Variants in MYH11 observed in about 807,000 individuals in gnomAD.
MYH11 encodes the protein myosin heavy chain 11.
A neutral mutation model predicts 246.6 loss-of-function variants in MYH11; 80 were observed. The ratio of observed to expected loss-of-function variants is 0.32; its 90% CI spans 0.27 to 0.39. The LOEUF (loss-of-function observed/expected upper bound fraction) is 0.39, where lower values mean the gene tolerates loss of function less well. Among genes scored for constraint, MYH11 ranks in the 10% least tolerant of loss-of-function variants. The probability of loss-of-function intolerance (pLI) is 1.00; values close to 1 mark genes in which losing one functional copy is unlikely to be tolerated. For missense variants in MYH11, 2,158 were observed against 2,546.8 expected (o/e 0.85, Z 3.29); for synonymous variants, 1,071 against 1,015.5 (o/e 1.05, Z -1.04).
At chr16:15,770,462 C>T (rs958062868) in intron 9 of MYH11, among the ~76,000 whole-genome samples, 1 of 152,142 alleles carries the variant, frequency 6.6e-6, no homozygotes, top group African/African-American at 2.4e-5. Context: ...CACAGTGTCC[C>T]GACCAAGAAT....
rs150741393 is a variant in MYH11 at position 15,756,124 on chromosome 16, C to T, written c.1749+217G>A. Among the ~76,000 whole-genome samples, 21 of 152,318 alleles carry T rather than the reference C, an allele frequency of 1.4e-4. 1 individual carries two copies. Among genetic ancestry groups the T allele is most frequent in the South Asian group, 6.2e-4 (3 of 4,826 alleles). On this transcript the variant is annotated intron_variant, in intron 14 of 40. Coordinates refer to ENST00000300036, the MANE Select transcript of MYH11 (RefSeq NM_002474.3). ...AACAAAAACAGAAAGAAATAACTGT[C>T]TGGACGTCACGGTTGGAAAACATGA... is the stretch of plus-strand genomic sequence containing the variant.
At chr16:15,707,428 G>C (rs369032907) in intron 40 of MYH11, among the ~76,000 whole-genome samples, 3 of 152,250 alleles carry the variant, frequency 2.0e-5, no homozygotes, top group East Asian at 3.9e-4. Context: ...GTTTCCCACT[G>C]ACCAGTGGGT....
intron 1 of MYH11, among the ~76,000 whole-genome samples, chr16:15,848,391 GCCTGGC>G (rs1293387322): frequency 5.3e-5 from 8 of 152,014 alleles, no homozygotes; most frequent in Middle Eastern, 3.4e-3. Context: ...GCGCTACCAT[GCCTGGC>G]TAATTTTTGT....
Position 15,838,220 on chromosome 16 carries a change from C to T in MYH11, c.33G>A (p.Glu11=), listed in dbSNP as rs148562366. 6.2e-7 allele frequency: 1 copy of T among 1,614,122 alleles called. No individual in the cohort carries two copies. MAQKGQLSDD[E]KFLFVDKNFI... is the part of the protein sequence containing the mutation. ...AGTTTTTGTCCACAAAGAGGAACTT[C>T]TCATCGTCACTGAGTTGGCCCTTCT... is the stretch of plus-strand genomic sequence containing the variant. The change falls in exon 2 of 41, where the codon GAG becomes GAA. Residue 11 remains glutamate, a synonymous_variant. Coordinates refer to ENST00000300036, the MANE Select transcript of MYH11 (RefSeq NM_002474.3).
chr16:15,771,328 G>C (rs1455658538), intron 9 of MYH11, among the ~76,000 whole-genome samples: 2 of 151,826 alleles, frequency 1.3e-5, no homozygotes, highest in African/African-American at 4.8e-5. Context: ...TTCTGAGTTA[G>C]TCACTTTCCC....
At chr16:15,759,756 T>G in intron 11 of MYH11, 28 bp from the exon 12 acceptor site, 3 of 1,613,126 alleles carry the variant, frequency 1.9e-6, no homozygotes, top group Non-Finnish European at 2.5e-6. Flanking sequence ...GGGAACCCGG[T>G]TATTCTCAAT....
intron 9 of MYH11, among the ~76,000 whole-genome samples, chr16:15,769,276 A>G (rs2151288991): frequency 6.6e-6 from 1 of 152,324 alleles, no homozygotes; most frequent in South Asian, 2.1e-4. Context: ...AGGTCGTGCC[A>G]CTGCACTCCA....
intron 37 of MYH11, 96 bp downstream of exon 37, chr16:15,718,219 C>T: frequency 3.1e-6 from 5 of 1,587,872 alleles, no homozygotes; most frequent in South Asian, 1.1e-5. Context: ...CCAGGGCCTG[C>T]ACACAGGAAG....
At position 15,717,318 on chromosome 16, in the gene MYH11, CTG is replaced by C; in HGVS notation, c.5324_5325del (p.Thr1775ArgfsTer9). The C allele has an allele frequency of 6.2e-7, 1 of 1,610,778 alleles. No individual in the cohort carries two copies. Among genetic ancestry groups the C allele is most frequent in the Non-Finnish European group, 8.5e-7 (1 of 1,180,024 alleles). On this transcript the variant is annotated frameshift_variant, in exon 38 of 41. Coordinates refer to ENST00000300036, the MANE Select transcript of MYH11 (RefSeq NM_002474.3). LOFTEE classifies it high-confidence loss of function. ...TCATTCTTCTGGGCCGTGCTGCGCT[CTG>C]TGGCCAGCTCGTTGCTGAGCTGCTC... The part of the protein sequence containing the change: ...QAEQLSNELA[T>X]ERSTAQKNES...
intron 37 of MYH11, 155 bp from the exon 38 acceptor site, chr16:15,717,503 G>C (rs755056617): frequency 1.4e-6 from 1 of 739,630 alleles, no homozygotes; most frequent in Non-Finnish European, 2.2e-6. Context: ...CCACTCAAGA[G>C]CTTCTTCCAG....
chr16:15,816,400 G>A (rs1165903309), intron 3 of MYH11, among the ~76,000 whole-genome samples: 1 of 149,652 alleles, frequency 6.7e-6, no homozygotes, highest in Non-Finnish European at 1.5e-5. Context: ...TAAATACATG[G>A]AAAACAAGAT....
chr16:15,841,459 T>C (rs2044048641), intron 1 of MYH11, among the ~76,000 whole-genome samples: 1 of 152,174 alleles, frequency 6.6e-6, no homozygotes, highest in African/African-American at 2.4e-5. Flanking sequence ...ATTTTTTAAA[T>C]GGGTACAGAA....
chr16:15,763,741 T>TCGGGGCCCCCCCCCCCCCCCC, intron 10 of MYH11, 55 bp downstream of exon 10: 2 of 646,858 alleles, frequency 3.1e-6, no homozygotes, highest in Admixed American at 2.1e-5. Context: ...AAATGTCACC[T>TCGGGGCCCCCCCCCCCCCCCC]CCCCCACCCC....
chr16:15,846,980 C>A (rs767398082), intron 1 of MYH11, among the ~76,000 whole-genome samples: 1 of 152,074 alleles, frequency 6.6e-6, no homozygotes, highest in Non-Finnish European at 1.5e-5. Flanking sequence ...CTTGAAAATT[C>A]ATCAAGCTGC....
intron 1 of MYH11, among the ~76,000 whole-genome samples, chr16:15,846,701 A>G (rs1221816343): frequency 6.6e-6 from 1 of 152,168 alleles, no homozygotes; most frequent in East Asian, 1.9e-4. Context: ...ATGTTTTTTA[A>G]TTACCTGTGT....
intron 3 of MYH11, among the ~76,000 whole-genome samples, chr16:15,809,346 A>C (rs908751469): frequency 6.6e-6 from 1 of 152,044 alleles, no homozygotes; most frequent in African/African-American, 2.4e-5. Flanking sequence ...AGCCTGGGCA[A>C]CATAATGAGA....
chr16:15,839,734 C>A (rs889005655), intron 1 of MYH11, among the ~76,000 whole-genome samples: 3 of 151,096 alleles, frequency 2.0e-5, no homozygotes, highest in Admixed American at 2.0e-4. Flanking sequence ...AAAGGCATAT[C>A]TATGGTGACA....
intron 40 of MYH11, among the ~76,000 whole-genome samples, chr16:15,710,038 T>C (rs1358803465): frequency 6.6e-6 from 1 of 152,234 alleles, no homozygotes; most frequent in Non-Finnish European, 1.5e-5. Context: ...CTCAGGGCTC[T>C]AGTGCCTGAT....
intron 3 of MYH11, among the ~76,000 whole-genome samples, chr16:15,810,835 T>C (rs1016158286): frequency 6.6e-6 from 1 of 152,212 alleles, no homozygotes; most frequent in Admixed American, 6.5e-5. Context: ...AAGAGCTTGG[T>C]AATTGCCGTT....
Sources: allele counts gnomAD v4.1 joint callset (sites outside exome capture counted in the v4.1 genomes callset), GRCh38; gene constraint gnomAD v4.1.1; transcripts MANE v1.5; gene names NCBI Gene and HGNC (gene_info 2026-07-23, HGNC 2026-07-21).